Variants in MEGF11 observed in about 807,000 individuals in gnomAD.
MEGF11 encodes multiple epidermal growth factor-like domains protein 11.
A neutral mutation model predicts 146.6 loss-of-function variants in MEGF11; 126 were observed. The observed-to-expected ratio is 0.86, with a 90% CI of 0.74 to 1.00. The LOEUF (loss-of-function observed/expected upper bound fraction) is 1.00. MEGF11 is among the 50% of genes least tolerant of loss of function. The pLI, the probability that MEGF11 is intolerant of heterozygous loss-of-function variation, is 0.00. For synonymous variants in MEGF11, 532 were observed against 583.4 expected, an observed-to-expected ratio of 0.91 and a Z score of 1.27; for missense variants, 1,509 against 1,521.2, an observed-to-expected ratio of 0.99 and a Z score of 0.13.
rs977796577 is a variant in MEGF11 at position 66,021,049 on chromosome 15, C to T, written c.395-38561G>A. 8.5e-5 allele frequency among the ~76,000 whole-genome samples: 12 copies of T among 140,560 alleles called. 2 individuals carry two copies. The highest frequency in any genetic ancestry group is 6.9e-4 in the East Asian group (3 of 4,338). The allele number at this position is 140,560 out of a possible 152,430, so 92.2% of individuals were successfully genotyped here. A position where few individuals can be genotyped will look rare whatever the true frequency, so the allele number is the denominator to read the frequency against. On this transcript the variant is annotated intron_variant, in intron 5 of 25. Transcript: ENST00000395614. ...AAAAAAAAAAAAAAAAAAAAGAATTCCAGTGGCATCAGAAGTAGTGATGTT... is the reference window on the plus strand; with the variant it reads ...AAAAAAAAAAAAAAAAAAAAGAATTTCAGTGGCATCAGAAGTAGTGATGTT...
chr15:66,154,637 G>C (rs181913711), intron 1 of MEGF11, among the ~76,000 whole-genome samples: 1 of 152,238 alleles, frequency 6.6e-6, no homozygotes, highest in Non-Finnish European at 1.5e-5. Context: ...CTGGAGGGAC[G>C]TGCAAGACAG....
intron 4 of MEGF11, among the ~76,000 whole-genome samples, chr15:66,095,864 G>T (rs752292176): frequency 6.6e-6 from 1 of 152,192 alleles, no homozygotes; most frequent in African/African-American, 2.4e-5. Context: ...AGCCCCGCTC[G>T]CTTGCAGCCC....
intron 5 of MEGF11, among the ~76,000 whole-genome samples, chr15:66,064,767 G>T (rs1279805813): frequency 1.3e-5 from 2 of 151,996 alleles, no homozygotes; most frequent in African/African-American, 4.8e-5. Flanking sequence ...AACCTCAGGT[G>T]ATCCACCAGC....
intron 5 of MEGF11, among the ~76,000 whole-genome samples, chr15:66,048,102 C>A (rs28570681): frequency 6.6e-6 from 1 of 152,110 alleles, no homozygotes; most frequent in African/African-American, 2.4e-5. Context: ...TGTACCACCA[C>A]GCCCAGCTAA....
intron 1 of MEGF11, among the ~76,000 whole-genome samples, chr15:66,250,581 G>A (rs78079980): frequency 0.015 from 2,352 of 152,210 alleles, 70 homozygotes; most frequent in African/African-American, 0.055. Flanking sequence ...TCATAAGTTC[G>A]GAACACTGAA....
intron 2 of MEGF11, among the ~76,000 whole-genome samples, chr15:66,126,362 C>T (rs551073812): frequency 6.6e-6 from 1 of 152,348 alleles, no homozygotes; most frequent in South Asian, 2.1e-4. Flanking sequence ...AGAGAGTCCC[C>T]AGACCTCATT....
At chr15:66,056,747 G>T (rs1251383974) in intron 5 of MEGF11, among the ~76,000 whole-genome samples, 1 of 152,206 alleles carries the variant, frequency 6.6e-6, no homozygotes, top group Non-Finnish European at 1.5e-5. Flanking sequence ...CTCAAGACTT[G>T]ACTCAGCCAG....
chr15:66,089,409 C>T (rs961845309), intron 5 of MEGF11, among the ~76,000 whole-genome samples: 4 of 152,134 alleles, frequency 2.6e-5, no homozygotes, highest in African/African-American at 7.2e-5. Context: ...TACATGATAA[C>T]GTGGAAAATA....
chr15:66,055,456 T>C (rs997305367), intron 5 of MEGF11, among the ~76,000 whole-genome samples: 1 of 152,258 alleles, frequency 6.6e-6, no homozygotes, highest in Non-Finnish European at 1.5e-5. Context: ...TATTCAGACG[T>C]GATCCACAAC....
At chr15:65,957,848 C>T (rs2080714527) in intron 9 of MEGF11, 127 bp from the exon 10 acceptor site, 6 of 799,090 alleles carry the variant, frequency 7.5e-6, no homozygotes, top group East Asian at 2.6e-5. Flanking sequence ...GATTAAATTG[C>T]TCAATGCCTT....
intron 1 of MEGF11, among the ~76,000 whole-genome samples, chr15:66,143,678 G>T (rs976663453): frequency 6.6e-6 from 1 of 152,192 alleles, no homozygotes. Flanking sequence ...CTGCTGGGAA[G>T]TCACAGCCTG....
chr15:66,224,192 C>A (rs1029752343), intron 1 of MEGF11, among the ~76,000 whole-genome samples: 1 of 152,224 alleles, frequency 6.6e-6, no homozygotes, highest in East Asian at 1.9e-4. Context: ...CCTCTCTGAG[C>A]CTTGGTTTTC....
chr15:66,197,914 C>G (rs892996326), intron 1 of MEGF11, among the ~76,000 whole-genome samples: 1 of 152,190 alleles, frequency 6.6e-6, no homozygotes, highest in African/African-American at 2.4e-5. Flanking sequence ...GCCCACAGAA[C>G]AAGTTATATT....
intron 5 of MEGF11, among the ~76,000 whole-genome samples, chr15:65,995,862 A>T (rs573764104): frequency 6.6e-6 from 1 of 152,302 alleles, no homozygotes; most frequent in South Asian, 2.1e-4. Context: ...AGTGGCAGCA[A>T]ACACACAATG....
intron 5 of MEGF11, among the ~76,000 whole-genome samples, chr15:66,057,385 G>A (rs1047624073): frequency 4.0e-4 from 61 of 152,240 alleles, no homozygotes; most frequent in African/African-American, 1.4e-3. Flanking sequence ...TGTAGTAATT[G>A]ATTTTGACAG....
At chr15:66,146,756 C>T (rs879455947) in intron 1 of MEGF11, among the ~76,000 whole-genome samples, 6 of 152,216 alleles carry the variant, frequency 3.9e-5, no homozygotes, top group Admixed American at 2.0e-4. Context: ...AGGCACACGC[C>T]GAGTAGCTGG....
At chr15:66,044,604 T>A (rs2084118945) in intron 5 of MEGF11, among the ~76,000 whole-genome samples, 1 of 151,860 alleles carries the variant, frequency 6.6e-6, no homozygotes, top group Admixed American at 6.6e-5. Flanking sequence ...TCTCAGTATT[T>A]TGGGAGACTG....
At chr15:65,902,949 C>T (rs1315153209) in intron 24 of MEGF11, among the ~76,000 whole-genome samples, 2 of 152,180 alleles carry the variant, frequency 1.3e-5, no homozygotes, top group East Asian at 1.9e-4. Context: ...TGCTAACCTC[C>T]ACTAAGGCCC....
intron 5 of MEGF11, among the ~76,000 whole-genome samples, chr15:66,001,770 G>C (rs1461573597): frequency 6.6e-6 from 1 of 152,168 alleles, no homozygotes; most frequent in Non-Finnish European, 1.5e-5. Context: ...TGAACTGGAT[G>C]TTTGAACCAA....
Sources: gnomAD v4.1 joint callset for allele counts (sites outside exome capture counted in the v4.1 genomes callset) on GRCh38, gnomAD v4.1.1 for gene constraint, MANE v1.5 for transcripts, NCBI Gene and HGNC (gene_info 2026-07-23, HGNC 2026-07-21) for gene names.